Variants in NT5DC1 observed in about 807,000 individuals in gnomAD.
The protein encoded by NT5DC1 is 5'-nucleotidase domain containing 1.
NT5DC1 carries 42 observed loss-of-function variants against 59.4 expected under a neutral mutation model. The observed-to-expected ratio is 0.71, with a 90% CI of 0.55 to 0.92. The LOEUF is 0.92. Ranked by LOEUF, NT5DC1 falls within the 40% of genes least tolerant of loss-of-function variation. NT5DC1 has a pLI of 0.00. For synonymous variants in NT5DC1, 172 were observed against 188.1 expected, an observed-to-expected ratio of 0.91 and a Z score of 0.70; for missense variants, 501 against 537.1, an observed-to-expected ratio of 0.93 and a Z score of 0.66.
chr6:116,208,245 GGCA>G (rs1781499626), intron 6 of NT5DC1, among the ~76,000 whole-genome samples: 2 of 151,902 alleles, frequency 1.3e-5, no homozygotes, highest in Non-Finnish European at 2.9e-5. Context: ...TTTGCCCGGA[GGCA>G]TCCCATTTTA....
At chr6:116,216,742 TAAAC>T (rs1357513323) in intron 6 of NT5DC1, among the ~76,000 whole-genome samples, 1 of 152,110 alleles carries the variant, frequency 6.6e-6, no homozygotes, top group Non-Finnish European at 1.5e-5. Context: ...CACCTATAAA[TAAAC>T]AAAATAAATT....
In NT5DC1 at chr6:116,177,782, C is replaced by T. The variant is rs368649424; in HGVS notation, c.530-43272C>T. Among the ~76,000 whole-genome samples, 16 of 152,178 alleles carry T rather than the reference C, an allele frequency of 1.1e-4. No homozygotes were observed. The East Asian group carries it at 2.3e-3, about 22-fold the overall frequency. On this transcript the variant is annotated intron_variant, in intron 6 of 11. Transcript: ENST00000319550. ...TTTCTGACATTCTAAATTATAACCA[C>T]GTGAAAGGGCATTAAAGCATCCCAT...
chr6:116,192,877 T>C (rs1163265138), intron 6 of NT5DC1, among the ~76,000 whole-genome samples: 1 of 152,084 alleles, frequency 6.6e-6, no homozygotes, highest in Non-Finnish European at 1.5e-5. Context: ...TTCCCCTGCT[T>C]TCTCACGTTG....
At chr6:116,191,836 G>C (rs1781125203) in intron 6 of NT5DC1, among the ~76,000 whole-genome samples, 1 of 151,984 alleles carries the variant, frequency 6.6e-6, no homozygotes, top group African/African-American at 2.4e-5. Context: ...CCTTAAGGCT[G>C]CCTGGTTCTC....
intron 6 of NT5DC1, among the ~76,000 whole-genome samples, chr6:116,213,622 C>T (rs2114530204): frequency 6.6e-6 from 1 of 152,206 alleles, no homozygotes; most frequent in South Asian, 2.1e-4. Flanking sequence ...CACTTCACAT[C>T]TTCTATAATG....
chr6:116,232,081 G>T (rs1782029518), intron 8 of NT5DC1, among the ~76,000 whole-genome samples: 1 of 152,228 alleles, frequency 6.6e-6, no homozygotes, highest in Non-Finnish European at 1.5e-5. Context: ...TTTGTAGATG[G>T]TTGTTTTCTG....
chr6:116,120,247 G>A, intron 6 of NT5DC1: 1 of 1,614,162 alleles, frequency 6.2e-7, no homozygotes. Flanking sequence ...CATCATAGGT[G>A]TACATTACAG....
At chr6:116,143,953 T>C (rs551955951) in intron 6 of NT5DC1, among the ~76,000 whole-genome samples, 6 of 152,166 alleles carry the variant, frequency 3.9e-5, no homozygotes, top group Non-Finnish European at 8.8e-5. Flanking sequence ...CTGATGTGAG[T>C]AGAATGTCTT....
intron 6 of NT5DC1, among the ~76,000 whole-genome samples, chr6:116,206,528 G>A (rs1000939121): frequency 6.6e-6 from 1 of 151,922 alleles, no homozygotes; most frequent in Non-Finnish European, 1.5e-5. Flanking sequence ...TTTTATCTGT[G>A]TGTCTACTCT....
chr6:116,165,036 G>C (rs1394894993), intron 6 of NT5DC1, among the ~76,000 whole-genome samples: 1 of 149,720 alleles, frequency 6.7e-6, no homozygotes, highest in Non-Finnish European at 1.5e-5. Flanking sequence ...GGCGGAGCTT[G>C]CAGTGAGCTG....
intron 6 of NT5DC1, among the ~76,000 whole-genome samples, chr6:116,188,618 A>G (rs1781053093): frequency 6.6e-6 from 1 of 152,050 alleles, no homozygotes; most frequent in Non-Finnish European, 1.5e-5. Flanking sequence ...GTAAAGCCAG[A>G]AAAGTAAGGA....
At chr6:116,229,969 A>T (rs898680613) in intron 8 of NT5DC1, among the ~76,000 whole-genome samples, 3 of 152,168 alleles carry the variant, frequency 2.0e-5, no homozygotes, top group Non-Finnish European at 4.4e-5. Flanking sequence ...CCGCCTAGAA[A>T]CCAAAAACAA....
intron 6 of NT5DC1, among the ~76,000 whole-genome samples, chr6:116,188,364 G>A (rs1582862748): frequency 6.6e-6 from 1 of 152,130 alleles, no homozygotes; most frequent in Non-Finnish European, 1.5e-5. Context: ...AATGTTCTTA[G>A]TGGCATTCAC....
rs776586482 is a variant in NT5DC1 at position 116,104,694 on chromosome 6, AT to A, written c.94-1547del. On this transcript the variant is annotated intron_variant, in intron 1 of 11. Coordinates refer to ENST00000319550, the MANE Select transcript of NT5DC1 (RefSeq NM_152729.3). ...TAATAATAGCAAATACTTAAATTGG[AT>A]TTGCTGGTGTGCCAGGCTCTGCTCT... Among the ~76,000 whole-genome samples, 3 of 152,140 alleles carry A rather than the reference AT, an allele frequency of 2.0e-5. No individual in the cohort carries two copies. The East Asian group carries it at 5.8e-4, about 29-fold the overall frequency.
intron 3 of NT5DC1, among the ~76,000 whole-genome samples, chr6:116,110,490 G>A (rs1038279298): frequency 2.0e-5 from 3 of 152,114 alleles, no homozygotes; most frequent in African/African-American, 7.2e-5. Context: ...CTCCAGTGCT[G>A]CCAGAACCAG....
intron 3 of NT5DC1, among the ~76,000 whole-genome samples, chr6:116,109,636 A>G (rs1653805553): frequency 6.6e-6 from 1 of 152,162 alleles, no homozygotes; most frequent in South Asian, 2.1e-4. Context: ...CTTTCTTTCA[A>G]CCAGTGTAGT....
rs1477218853 is a variant in NT5DC1 at position 116,244,302 on chromosome 6, C to T, written c.*278C>T. On this transcript the variant is annotated 3_prime_UTR_variant, in exon 12 of 12. Transcript: ENST00000319550. ...GGACACACACTCACACGCACAGTCA[C>T]TCTTACACATATGCCTAGTCCAGTG... is the stretch of plus-strand genomic sequence containing the variant. 4.7e-6 allele frequency: 1 copy of T among 212,748 alleles called. No individual in the cohort carries two copies. The highest frequency in any genetic ancestry group is 2.3e-5 in the African/African-American group (1 of 43,306). 13.2% of individuals were successfully genotyped at this position (212,748 alleles called of 1,614,324 possible).
At chr6:116,124,224 A>T (rs1258178633) in intron 6 of NT5DC1, among the ~76,000 whole-genome samples, 2 of 152,138 alleles carry the variant, frequency 1.3e-5, no homozygotes, top group Non-Finnish European at 2.9e-5. Context: ...GGTTGTTCCC[A>T]AAAGCATAAT....
In NT5DC1 at chr6:116,107,836, T is replaced by G. The variant is rs1377398028; in HGVS notation, c.186-528T>G. Among the ~76,000 whole-genome samples the G allele has an allele frequency of 2.0e-5, 3 of 152,230 alleles. No individual in the cohort carries two copies. The East Asian group carries it at 5.8e-4, about 29-fold the overall frequency. ...ATCCGCCCGTCTCGGCCTCCCAAAGTGCTGGGATTACAGGCATGAGCCACC... is the reference window on the plus strand; with the variant it reads ...ATCCGCCCGTCTCGGCCTCCCAAAGGGCTGGGATTACAGGCATGAGCCACC... On this transcript the variant is annotated intron_variant, in intron 2 of 11. Coordinates refer to ENST00000319550, the MANE Select transcript of NT5DC1 (RefSeq NM_152729.3).
Sources: allele counts gnomAD v4.1 joint callset (sites outside exome capture counted in the v4.1 genomes callset), GRCh38; gene constraint gnomAD v4.1.1; transcripts MANE v1.5; gene names NCBI Gene and HGNC (gene_info 2026-07-23, HGNC 2026-07-21).